The following LY75 variants were observed in gnomAD, a reference collection of about 807,000 sequenced individuals.
The protein encoded by LY75 is lymphocyte antigen 75.
Under a neutral mutation model 231.7 loss-of-function variants are expected in LY75, and 185 were observed. That is an observed-to-expected ratio of 0.80 (90% CI 0.71 to 0.90). The LOEUF (loss-of-function observed/expected upper bound fraction) is 0.90, where lower values mean the gene tolerates loss of function less well. LY75 is among the 40% of genes least tolerant of loss of function. LY75 has a pLI of 0.00. For synonymous variants in LY75, 668 were observed against 689.0 expected (o/e 0.97, Z 0.48); for missense variants, 1,947 against 2,050.2 (o/e 0.95, Z 0.97).
At chr2:159,892,482 C>T (rs1434503138) in intron 3 of LY75, among the ~76,000 whole-genome samples, 2 of 152,158 alleles carry the variant, frequency 1.3e-5, no homozygotes, top group African/African-American at 4.8e-5. Flanking sequence ...TGGTACCTTT[C>T]AGGGTTGCTG....
chr2:159,817,647 G>A lies in LY75; in HGVS notation c.4154-615C>T, dbSNP rs574087208. 2.6e-5 allele frequency among the ~76,000 whole-genome samples: 4 copies of A among 152,104 alleles called. No individual in the cohort carries two copies. In the South Asian group the frequency reaches 6.2e-4, roughly 24 times the overall value. ...CCTATACTAGGTCTAGAGGATTGGG[G>A]GAAATCAAGAATAAAAAGAAGGTAA... is the stretch of plus-strand genomic sequence containing the variant. On this transcript the variant is annotated intron_variant, in intron 29 of 34. Coordinates refer to ENST00000263636, the MANE Select transcript of LY75 (RefSeq NM_002349.4).
intron 2 of LY75, 54 bp downstream of exon 2, chr2:159,898,634 C>G: frequency 6.4e-7 from 1 of 1,562,976 alleles, no homozygotes; most frequent in Non-Finnish European, 8.7e-7. Flanking sequence ...ATGTTTAATG[C>G]CACATGTGAC....
intron 4 of LY75, among the ~76,000 whole-genome samples, chr2:159,889,749 G>A (rs1560103223): frequency 6.6e-6 from 1 of 152,056 alleles, no homozygotes; most frequent in South Asian, 2.1e-4. Context: ...CCCATTCTGT[G>A]TCCATGTTAT....
At chr2:159,869,594 G>C (rs1385728865) in intron 13 of LY75, among the ~76,000 whole-genome samples, 1 of 152,150 alleles carries the variant, frequency 6.6e-6, no homozygotes, top group African/African-American at 2.4e-5. Flanking sequence ...TCTTAGTAGG[G>C]CTTGATTCGA....
intron 25 of LY75, among the ~76,000 whole-genome samples, chr2:159,840,497 G>A (rs531498021): frequency 3.3e-5 from 5 of 151,964 alleles, no homozygotes; most frequent in South Asian, 2.1e-4. Context: ...GCTTGAGCCC[G>A]GGAGGTCAAG....
At chr2:159,821,778 C>T (rs553643492) in intron 28 of LY75, among the ~76,000 whole-genome samples, 1 of 152,270 alleles carries the variant, frequency 6.6e-6, no homozygotes, top group South Asian at 2.1e-4. Context: ...CTCCAGTGTG[C>T]AGCTCCAAGC....
chr2:159,877,009 C>CAAAAAAAAAAAAAAAAAAAAAAAA (rs58831835), intron 11 of LY75, among the ~76,000 whole-genome samples: 7 of 90,546 alleles, frequency 7.7e-5, no homozygotes, highest in Admixed American at 1.5e-4. Flanking sequence ...AACTCCATCT[C>CAAAAAAAAAAAAAAAAAAAAAAAA]AAAAAAAAAA....
chr2:159,827,968 C>T (rs1334956096), intron 28 of LY75, among the ~76,000 whole-genome samples: 1 of 151,588 alleles, frequency 6.6e-6, no homozygotes, highest in Non-Finnish European at 1.5e-5. Flanking sequence ...GGGTAGGGGG[C>T]TAGGGGAGGG....
At chr2:159,889,274 G>T (rs925411) in intron 4 of LY75, among the ~76,000 whole-genome samples, 63,066 of 151,926 alleles carry the variant, frequency 0.42, 15,564 homozygotes, top group Non-Finnish European at 0.56. Context: ...TATCACTCAG[G>T]CTGGAGTGCA....
chr2:159,842,219 A>G, intron 24 of LY75, 26 bp downstream of exon 24: 1 of 1,600,650 alleles, frequency 6.2e-7, no homozygotes, highest in Non-Finnish European at 8.5e-7. Context: ...ATAAAGTACC[A>G]TAGTTATCTA....
chr2:159,887,788 A>C (rs1241572838), intron 4 of LY75, among the ~76,000 whole-genome samples: 1 of 152,154 alleles, frequency 6.6e-6, no homozygotes, highest in African/African-American at 2.4e-5. Context: ...GGCCAGGAGT[A>C]GGGTACAATA....
At chr2:159,849,601 A>G (rs1036821265) in intron 23 of LY75, among the ~76,000 whole-genome samples, 3 of 152,172 alleles carry the variant, frequency 2.0e-5, no homozygotes, top group Admixed American at 6.5e-5. Context: ...TACATCCATC[A>G]GAAGGCTGGG....
At chr2:159,811,250 AAATAGCT>A (rs1383436624) in intron 31 of LY75, among the ~76,000 whole-genome samples, 1 of 152,116 alleles carries the variant, frequency 6.6e-6, no homozygotes, top group Non-Finnish European at 1.5e-5. Context: ...TATTTTTTAA[AAATAGCT>A]AATTTGTTTT....
At position 159,882,291 on chromosome 2, in the gene LY75, C is replaced by T. The variant is rs113288676; in HGVS notation, c.1079G>A (p.Arg360His). The change falls in exon 7 of 35, where the codon CGC becomes CAC. Residue 360 changes from arginine (R) to histidine (H), a missense_variant. Transcript: ENST00000263636. ...ATTTGGCAGCCAGCCTGCATCACAG[C>T]GGGTATCTGAGTATGTCCAGACATC... ...LTDVWTYSDTRCDAGWLPNNG... is the reference protein window; with the variant it reads ...LTDVWTYSDTHCDAGWLPNNG... The T allele has an allele frequency of 1.3e-4, 208 of 1,613,778 alleles. No homozygotes were observed. The highest frequency in any genetic ancestry group is 4.0e-4 in the Admixed American group (24 of 59,986).
At chr2:159,873,729 C>CACATAAATATATACATTTTGTAAAAATAT (rs1342256404) in intron 12 of LY75, among the ~76,000 whole-genome samples, 10 of 146,688 alleles carry the variant, frequency 6.8e-5, no homozygotes, top group African/African-American at 1.0e-4. Flanking sequence ...AATAAAAATA[C>CACATAAATATATACATTTTGTAAAAATAT]ACATAAATAT....
At chr2:159,842,954 T>G (rs955076817) in intron 23 of LY75, among the ~76,000 whole-genome samples, 2 of 138,238 alleles carry the variant, frequency 1.4e-5, no homozygotes, top group African/African-American at 4.9e-5. Flanking sequence ...CAGGAGATAC[T>G]GACAAAAAAA....
intron 34 of LY75, among the ~76,000 whole-genome samples, chr2:159,806,064 A>G (rs1292512398): frequency 6.6e-6 from 1 of 152,166 alleles, no homozygotes; most frequent in Non-Finnish European, 1.5e-5. Flanking sequence ...TTTAGATCTT[A>G]GCTTCGGTGT....
intron 27 of LY75, among the ~76,000 whole-genome samples, chr2:159,832,057 CT>C (rs1429126214): frequency 1.4e-5 from 2 of 138,738 alleles, no homozygotes; most frequent in African/African-American, 4.9e-5. Context: ...ATTCACTTCA[CT>C]TTCCCCTATT....
At chr2:159,893,592 C>T (rs941887587) in intron 3 of LY75, among the ~76,000 whole-genome samples, 2 of 152,158 alleles carry the variant, frequency 1.3e-5, no homozygotes, top group Non-Finnish European at 2.9e-5. Flanking sequence ...GCTTCTACCC[C>T]CTCTAGTCTT....
Sources: gnomAD v4.1 joint callset for allele counts (sites outside exome capture counted in the v4.1 genomes callset) on GRCh38, gnomAD v4.1.1 for gene constraint, MANE v1.5 for transcripts, NCBI Gene and HGNC (gene_info 2026-07-23, HGNC 2026-07-21) for gene names.